The following PTPN13 variants were observed in gnomAD, a reference collection of about 807,000 sequenced individuals.
PTPN13 encodes protein tyrosine phosphatase non-receptor type 13, also known as tyrosine-protein phosphatase non-receptor type 13.
In PTPN13, 191 loss-of-function variants were observed where a neutral mutation model predicts 284.0. The observed-to-expected ratio is 0.67, with a 90% confidence interval of 0.60 to 0.76. The LOEUF (loss-of-function observed/expected upper bound fraction) is 0.76, where lower values mean the gene tolerates loss of function less well. Ranked by LOEUF, PTPN13 falls within the 30% of genes least tolerant of loss-of-function variation. The pLI is 0.00. For missense variants in PTPN13, 2,797 were observed against 2,939.9 expected, an observed-to-expected ratio of 0.95 and a Z score of 1.12; for synonymous variants, 986 against 1,022.3, an observed-to-expected ratio of 0.96 and a Z score of 0.68.
chr4:86,598,177 C>T (rs554763059), intron 1 of PTPN13, among the ~76,000 whole-genome samples: 53 of 150,634 alleles, frequency 3.5e-4, no homozygotes, highest in Non-Finnish European at 5.8e-4. Context: ...GATGGAATCT[C>T]GCCCAGGCTG....
intron 6 of PTPN13, among the ~76,000 whole-genome samples, chr4:86,697,453 G>T (rs1053422134): frequency 6.6e-6 from 1 of 151,928 alleles, no homozygotes; most frequent in African/African-American, 2.4e-5. Flanking sequence ...ACCTTAAAAG[G>T]TCTCTTCTTA....
chr4:86,618,890 TC>T, intron 1 of PTPN13, among the ~76,000 whole-genome samples: 2 of 152,320 alleles, frequency 1.3e-5, no homozygotes, highest in African/African-American at 4.8e-5. Context: ...CAATTTGACT[TC>T]CTCTTTTCCT....
chr4:86,672,131 G>T (rs541184070), intron 2 of PTPN13, among the ~76,000 whole-genome samples: 8 of 152,170 alleles, frequency 5.3e-5, no homozygotes, highest in Admixed American at 4.6e-4. Flanking sequence ...CTACCATCCA[G>T]ATTTTGAAAG....
intron 2 of PTPN13, among the ~76,000 whole-genome samples, chr4:86,650,275 C>A (rs957408107): frequency 6.6e-6 from 1 of 152,110 alleles, no homozygotes; most frequent in Admixed American, 6.6e-5. Flanking sequence ...GCATGAGCTA[C>A]AACGTCTGGC....
At chr4:86,638,727 T>C (rs952573180) in intron 2 of PTPN13, among the ~76,000 whole-genome samples, 1 of 152,078 alleles carries the variant, frequency 6.6e-6, no homozygotes, top group Non-Finnish European at 1.5e-5. Context: ...ATAAAAACCC[T>C]AGAAGAAAAC....
chr4:86,728,181 C>G (rs994586125), intron 10 of PTPN13, among the ~76,000 whole-genome samples: 7 of 149,174 alleles, frequency 4.7e-5, no homozygotes, highest in African/African-American at 1.7e-4. Flanking sequence ...TCTGAGAGAC[C>G]GTTTGTTGTG....
intron 2 of PTPN13, among the ~76,000 whole-genome samples, chr4:86,660,458 A>T (rs903246821): frequency 1.5e-4 from 23 of 152,132 alleles, no homozygotes; most frequent in African/African-American, 5.3e-4. Flanking sequence ...TAAAAGTTTT[A>T]AAGTAAATCT....
chr4:86,716,666 C>G (rs1457261450), intron 8 of PTPN13, 41 bp downstream of exon 8: 14 of 1,235,912 alleles, frequency 1.1e-5, no homozygotes, highest in Non-Finnish European at 1.5e-5. Context: ...TTTAAGAAAC[C>G]ACGATTATTA....
intron 2 of PTPN13, among the ~76,000 whole-genome samples, chr4:86,642,242 G>A (rs1723878895): frequency 6.6e-6 from 1 of 151,534 alleles, no homozygotes; most frequent in Non-Finnish European, 1.5e-5. Context: ...CATCCTTTAT[G>A]CTATAATTTA....
At chr4:86,633,551 T>C (rs904963722) in intron 1 of PTPN13, among the ~76,000 whole-genome samples, 1 of 152,164 alleles carries the variant, frequency 6.6e-6, no homozygotes, top group African/African-American at 2.4e-5. Context: ...AGCACACAAC[T>C]CTCTTCAAAG....
intron 1 of PTPN13, among the ~76,000 whole-genome samples, chr4:86,603,128 A>C (rs536524450): frequency 6.6e-6 from 1 of 152,336 alleles, no homozygotes; most frequent in South Asian, 2.1e-4. Context: ...TTAATTAAAT[A>C]ATATATTTTT....
intron 3 of PTPN13, 94 bp from the exon 4 acceptor site, chr4:86,686,616 T>A (rs1442198588): frequency 3.6e-6 from 3 of 831,344 alleles, no homozygotes; most frequent in Non-Finnish European, 5.7e-6. Flanking sequence ...TGTATTATAT[T>A]TTCTTTGGAA....
rs370906803 is a variant in PTPN13, at chr4:86,709,099, G to A, written c.1195+7298G>A. On this transcript the variant is annotated intron_variant, in intron 7 of 47. Transcript: ENST00000411767. ...CACACACACACACAAACACACACTT[G>A]TGTGGATGGATGCGTGGATAGATAG... Among the ~76,000 whole-genome samples the A allele has an allele frequency of 1.3e-3, 193 of 151,890 alleles. 1 individual carries two copies. Among genetic ancestry groups the A allele is most frequent in the African/African-American group, 4.3e-3 (180 of 41,494 alleles).
intron 16 of PTPN13, among the ~76,000 whole-genome samples, chr4:86,744,429 C>T (rs1239908645): frequency 2.0e-5 from 3 of 152,064 alleles, no homozygotes; most frequent in African/African-American, 4.8e-5. Context: ...GAATCTGTTT[C>T]CCTTGTTAAT....
intron 11 of PTPN13, 29 bp downstream of exon 11, chr4:86,732,503 C>A: frequency 6.3e-7 from 1 of 1,592,334 alleles, no homozygotes; most frequent in Non-Finnish European, 8.6e-7. Flanking sequence ...TTGTGTCACT[C>A]TTAGAAAATA....
chr4:86,622,423 C>T (rs1027019661), intron 1 of PTPN13, among the ~76,000 whole-genome samples: 13 of 152,038 alleles, frequency 8.6e-5, no homozygotes, highest in Non-Finnish European at 1.6e-4. Context: ...TGTATGTTAA[C>T]GAAGGGTAGT....
At chr4:86,626,779 G>T (rs1721884768) in intron 1 of PTPN13, among the ~76,000 whole-genome samples, 1 of 152,052 alleles carries the variant, frequency 6.6e-6, no homozygotes. Context: ...AGTTTTAGGG[G>T]AATAAAAAGT....
chr4:86,701,861 T>G, intron 7 of PTPN13, 60 bp downstream of exon 7: 1 of 1,439,014 alleles, frequency 6.9e-7, no homozygotes, highest in Non-Finnish European at 9.3e-7. Context: ...TTTTTTGAAA[T>G]AAAGAAGGGT....
intron 2 of PTPN13, among the ~76,000 whole-genome samples, chr4:86,664,102 G>A (rs1726807003): frequency 6.6e-6 from 1 of 152,112 alleles, no homozygotes; most frequent in African/African-American, 2.4e-5. Context: ...AAAATACTGT[G>A]TAGATTCCTG....
Sources: allele counts gnomAD v4.1 joint callset (sites outside exome capture counted in the v4.1 genomes callset), GRCh38; gene constraint gnomAD v4.1.1; transcripts MANE v1.5; gene names NCBI Gene and HGNC (gene_info 2026-07-23, HGNC 2026-07-21).